The following FLT3 variants were observed in gnomAD, a reference collection of about 807,000 sequenced individuals.
The protein encoded by FLT3 is fms related receptor tyrosine kinase 3, also known as receptor-type tyrosine-protein kinase FLT3.
FLT3 carries 46 observed loss-of-function variants against 126.6 expected under a neutral mutation model. The ratio of observed to expected loss-of-function variants is 0.36; its 90% CI spans 0.29 to 0.46. FLT3 has a LOEUF of 0.46. FLT3 is among the 20% of genes least tolerant of loss of function. The pLI is 1.00. For synonymous variants in FLT3, 404 were observed against 434.4 expected, an observed-to-expected ratio of 0.93 and a Z score of 0.87; for missense variants, 1,069 against 1,190.3, an observed-to-expected ratio of 0.90 and a Z score of 1.50.
At chr13:28,010,726 G>C (rs1450333279) in intron 23 of FLT3, among the ~76,000 whole-genome samples, 1 of 152,130 alleles carries the variant, frequency 6.6e-6, no homozygotes, top group African/African-American at 2.4e-5. Flanking sequence ...AAAGATTCTG[G>C]CCGGGCATGG....
intron 20 of FLT3, among the ~76,000 whole-genome samples, chr13:28,017,731 C>G (rs1872006871): frequency 6.7e-6 from 1 of 148,422 alleles, no homozygotes; most frequent in Non-Finnish European, 1.5e-5. Flanking sequence ...GTGGCGCGAT[C>G]TCAGCTCACT....
At chr13:28,070,660 A>G in intron 1 of FLT3, 48 bp from the exon 2 acceptor site, 1 of 1,436,408 alleles carries the variant, frequency 7.0e-7, no homozygotes, top group East Asian at 2.3e-5. Context: ...CACACCTTAA[A>G]AAGAAAACAT....
intron 1 of FLT3, among the ~76,000 whole-genome samples, chr13:28,076,249 G>A (rs2185050): frequency 0.71 from 107,408 of 152,082 alleles, 39,847 homozygotes; most frequent in East Asian, 0.95. Context: ...AAATGCTGAC[G>A]TTTATTTTAT....
chr13:28,064,104 C>T (rs1020990554), intron 2 of FLT3, among the ~76,000 whole-genome samples: 7 of 151,740 alleles, frequency 4.6e-5, no homozygotes, highest in African/African-American at 1.7e-4. Context: ...AGACCCCGTC[C>T]CAAAACAAAA....
chr13:28,005,804 G>A (rs1408012452), intron 23 of FLT3, among the ~76,000 whole-genome samples: 7 of 152,194 alleles, frequency 4.6e-5, no homozygotes, highest in Admixed American at 4.6e-4. Flanking sequence ...CAATGGGTAT[G>A]TCAGCCTCCC....
At chr13:28,017,468 TC>T (rs1297025152) in intron 20 of FLT3, among the ~76,000 whole-genome samples, 2 of 152,156 alleles carry the variant, frequency 1.3e-5, no homozygotes, top group African/African-American at 4.8e-5. Context: ...CAAGCAATTC[TC>T]CCACCTTGGC....
At chr13:28,068,079 C>A in intron 2 of FLT3, 1 of 92,920 alleles carries the variant, frequency 1.1e-5, no homozygotes, top group Non-Finnish European at 2.4e-5. Flanking sequence ...TAGACTGTGC[C>A]GCAATGGCAC....
In FLT3 at chr13:28,032,196, A is replaced by G. The variant is rs765509500; in HGVS notation, c.1942+1691T>C. On this transcript the variant is annotated intron_variant, in intron 15 of 23. Coordinates refer to ENST00000241453, the MANE Select transcript of FLT3 (RefSeq NM_004119.3). ...CTGGTGCAGGGCCAGGGTTAGGGGA[A>G]TTCACCTTGCATACACTGTGTTAAA... Among the ~76,000 whole-genome samples, 46 of 152,176 alleles carry G rather than the reference A, an allele frequency of 3.0e-4. 1 individual carries two copies. Among genetic ancestry groups the G allele is most frequent in the Admixed American group, 5.9e-4 (9 of 15,286 alleles).
intron 1 of FLT3, among the ~76,000 whole-genome samples, chr13:28,078,072 G>A (rs545087746): frequency 6.6e-6 from 1 of 152,314 alleles, no homozygotes; most frequent in Admixed American, 6.5e-5. Context: ...CTGCTTTCAT[G>A]GGCTGGCATT....
intron 2 of FLT3, among the ~76,000 whole-genome samples, chr13:28,067,274 G>T (rs775859384): frequency 2.6e-5 from 4 of 152,154 alleles, no homozygotes; most frequent in South Asian, 2.1e-4. Flanking sequence ...CCACCTGCCT[G>T]GGCCTCCCAA....
Position 28,057,331 on chromosome 13 carries a change from A to T in FLT3, c.484+16T>A. 1 of 1,044,768 alleles carries T rather than the reference A, an allele frequency of 9.6e-7. No homozygotes were observed. The highest frequency in any genetic ancestry group is 1.5e-6 in the Non-Finnish European group (1 of 659,604). The allele number at this position is 1,044,768 out of a possible 1,614,324, so 64.7% of individuals were successfully genotyped here. A position where few individuals can be genotyped will look rare whatever the true frequency, so the allele number is the denominator to read the frequency against. On this transcript the variant is annotated intron_variant, in intron 4 of 23. Coordinates refer to ENST00000241453, the MANE Select transcript of FLT3 (RefSeq NM_004119.3). ...TGGTATTCCAGGCTGGAATACTAGTAGCAGGCTGGACTTACTTCTTATACT... is the reference window on the plus strand; with the variant it reads ...TGGTATTCCAGGCTGGAATACTAGTTGCAGGCTGGACTTACTTCTTATACT...
intron 1 of FLT3, chr13:28,073,303 G>A: frequency 6.7e-6 from 2 of 297,976 alleles, no homozygotes; most frequent in African/African-American, 2.3e-5. Context: ...AGATGTGATT[G>A]CACCATTGCA....
At chr13:28,083,136 C>A (rs59686303) in intron 1 of FLT3, among the ~76,000 whole-genome samples, 1 of 152,070 alleles carries the variant, frequency 6.6e-6, no homozygotes, top group Non-Finnish European at 1.5e-5. Context: ...CCACCACGTG[C>A]CCAGCCGAAT....
chr13:28,046,402 C>G (rs757221045), intron 9 of FLT3, among the ~76,000 whole-genome samples: 2 of 152,136 alleles, frequency 1.3e-5, no homozygotes, highest in Non-Finnish European at 2.9e-5. Flanking sequence ...TACTCTTCAT[C>G]TAGAACAGGG....
At chr13:28,049,341 G>C in intron 8 of FLT3, 43 bp downstream of exon 8, 1 of 1,567,388 alleles carries the variant, frequency 6.4e-7, no homozygotes, top group Non-Finnish European at 8.7e-7. Context: ...ACACTACAGC[G>C]ACTAAAAATA....
intron 1 of FLT3, among the ~76,000 whole-genome samples, chr13:28,091,367 G>A (rs866139591): frequency 3.4e-4 from 50 of 149,012 alleles, no homozygotes; most frequent in African/African-American, 9.9e-4. Flanking sequence ...GACTACAGGC[G>A]CCCGCCACCA....
At chr13:28,093,392 TTAACA>T (rs1304437791) in intron 1 of FLT3, among the ~76,000 whole-genome samples, 4 of 152,120 alleles carry the variant, frequency 2.6e-5, no homozygotes, top group Non-Finnish European at 5.9e-5. Context: ...GTCCAACCAC[TTAACA>T]TAACACATCA....
Position 28,035,682 on chromosome 13 carries a change from A to G in FLT3, c.1419-9T>C, listed in dbSNP as rs758657093. On this transcript the variant is annotated splice_polypyrimidine_tract_variant and intron_variant, in intron 11 of 23. Transcript: ENST00000241453. The stretch of plus-strand genomic sequence containing the variant: ...TGATCTCTTCTGTGCAGCTGAAAAA[A>G]AAAATAGCAAAGAATTTAGACAGGT... 4.4e-6 allele frequency: 7 copies of G among 1,596,884 alleles called. No homozygotes were observed. In the African/African-American group the frequency reaches 8.2e-5, roughly 19 times the overall value.
At chr13:28,035,765 C>G (rs1873780726) in intron 11 of FLT3, 92 bp from the exon 12 acceptor site, 1 of 1,354,336 alleles carries the variant, frequency 7.4e-7, no homozygotes, top group African/African-American at 1.4e-5. Flanking sequence ...AGAGATTCAT[C>G]CAGTATAAGT....
Sources: gnomAD v4.1 joint callset for allele counts (sites outside exome capture counted in the v4.1 genomes callset) on GRCh38, gnomAD v4.1.1 for gene constraint, MANE v1.5 for transcripts, NCBI Gene and HGNC (gene_info 2026-07-23, HGNC 2026-07-21) for gene names.